Variants in ZNF845 observed in about 807,000 individuals in gnomAD.
The protein encoded by ZNF845 is zinc finger protein 845.
ZNF845 carries 59 observed loss-of-function variants against 76.1 expected under a neutral mutation model. The observed-to-expected ratio is 0.78, with a 90% confidence interval of 0.63 to 0.96. The LOEUF (loss-of-function observed/expected upper bound fraction) is 0.96, where lower values mean the gene tolerates loss of function less well. Among genes scored for constraint, ZNF845 ranks in the 40% least tolerant of loss-of-function variants. The probability of loss-of-function intolerance (pLI) is 0.00; values close to 1 mark genes in which losing one functional copy is unlikely to be tolerated. For missense variants in ZNF845, 1,045 were observed against 1,172.8 expected, an observed-to-expected ratio of 0.89 and a Z score of 1.59; for synonymous variants, 361 against 386.9, an observed-to-expected ratio of 0.93 and a Z score of 0.78.
intron 3 of ZNF845, among the ~76,000 whole-genome samples, chr19:53,347,608 A>G (rs1187356483): frequency 2.0e-5 from 3 of 152,178 alleles, no homozygotes; most frequent in South Asian, 2.1e-4. Flanking sequence ...CACAGTTTTT[A>G]AAACATGTTA....
chr19:53,350,292 CCT>C (rs1225330019), intron 3 of ZNF845, among the ~76,000 whole-genome samples: 2 of 151,984 alleles, frequency 1.3e-5, no homozygotes, highest in African/African-American at 4.8e-5. Context: ...GGCCACCACG[CCT>C]TGCTTAATTT....
At chr19:53,345,261 A>G (rs940794782) in intron 2 of ZNF845, among the ~76,000 whole-genome samples, 9 of 152,132 alleles carry the variant, frequency 5.9e-5, no homozygotes, top group Non-Finnish European at 1.0e-4. Flanking sequence ...GGTTGCTGTG[A>G]GCCGATATCG....
intron 2 of ZNF845, among the ~76,000 whole-genome samples, chr19:53,344,175 C>T (rs763716134): frequency 2.6e-5 from 4 of 152,108 alleles, no homozygotes; most frequent in Admixed American, 1.3e-4. Context: ...TCACTGCGGA[C>T]GTTGTCATCT....
intron 1 of ZNF845, among the ~76,000 whole-genome samples, chr19:53,336,135 C>T (rs1300896229): frequency 6.7e-6 from 1 of 148,362 alleles, no homozygotes; most frequent in South Asian, 2.1e-4. Flanking sequence ...TCACTTGAAC[C>T]CAGGAGGCGG....
chr19:53,336,815 A>G (rs916084168), intron 1 of ZNF845, among the ~76,000 whole-genome samples: 1 of 152,132 alleles, frequency 6.6e-6, no homozygotes, highest in Admixed American at 6.6e-5. Context: ...ACAATTTCCA[A>G]ATAGTTTCTG....
chr19:53,343,782 A>G (rs2085273973), intron 2 of ZNF845, among the ~76,000 whole-genome samples: 1 of 152,116 alleles, frequency 6.6e-6, no homozygotes, highest in African/African-American at 2.4e-5. Flanking sequence ...ATATGTATAT[A>G]TAAAATGGAT....
At chr19:53,334,550 A>C (rs2085199230) in intron 1 of ZNF845, among the ~76,000 whole-genome samples, 1 of 152,076 alleles carries the variant, frequency 6.6e-6, no homozygotes, top group African/African-American at 2.4e-5. Flanking sequence ...AACAAGAGCT[A>C]GAGAGAGAAG....
At chr19:53,336,476 C>T (rs2085214253) in intron 1 of ZNF845, among the ~76,000 whole-genome samples, 1 of 152,114 alleles carries the variant, frequency 6.6e-6, no homozygotes, top group South Asian at 2.1e-4. Flanking sequence ...TACCACTGCA[C>T]TGCAGCCTGG....
intron 2 of ZNF845, among the ~76,000 whole-genome samples, chr19:53,343,103 T>G (rs531571887): frequency 6.4e-4 from 97 of 152,198 alleles, no homozygotes; most frequent in African/African-American, 1.9e-3. Context: ...GCAAGCGTGA[T>G]CCACCGCGCC....
intron 3 of ZNF845, among the ~76,000 whole-genome samples, chr19:53,346,538 A>G (rs1410770841): frequency 2.0e-5 from 3 of 152,228 alleles, no homozygotes; most frequent in African/African-American, 7.2e-5. Context: ...AAAATTAGCC[A>G]GACACGATGG....
chr19:53,349,703 T>C (rs1479175694), intron 3 of ZNF845, among the ~76,000 whole-genome samples: 1 of 152,214 alleles, frequency 6.6e-6, no homozygotes, highest in Non-Finnish European at 1.5e-5. Context: ...CTTTTCGGTA[T>C]GTGGTATGCA....
rs1362396177 is a variant in ZNF845, at chr19:53,353,001, A to C, written c.2326A>C (p.Lys776Gln). The change falls in exon 4 of 4, where the codon AAA (lysine) becomes CAA (glutamine). Residue 776 changes from lysine to glutamine, a missense_variant. Coordinates refer to ENST00000458035, the MANE Select transcript of ZNF845 (RefSeq NM_138374.3). The part of the protein sequence containing the change: ...RRIHTGEKPY[K>Q]CKVCDKAFGR... ...AATTCATACTGGAGAGAAACCATACAAATGTAAGGTTTGTGACAAAGCTTT... is the reference window on the plus strand; with the variant it reads ...AATTCATACTGGAGAGAAACCATACCAATGTAAGGTTTGTGACAAAGCTTT... The C allele has an allele frequency of 6.2e-7, 1 of 1,614,048 alleles. No homozygotes were observed. Among genetic ancestry groups the C allele is most frequent in the Admixed American group, 1.7e-5 (1 of 60,016 alleles).
In ZNF845 at chr19:53,344,644, T is replaced by TGTTATGTTATGTTATGTTATG. The variant is rs1347350507; in HGVS notation, c.16-862_16-861insGTTATGTTATGTTATGTTATG. On this transcript the variant is annotated intron_variant, in intron 2 of 3. Transcript: ENST00000458035. Reference sequence around the variant, plus strand: ...TTTTATTTTATTTTATTTTATTTTATTTTGGGATGGAGTTTCACTCTTGTT... The same window carrying TGTTATGTTATGTTATGTTATG: ...TTTTATTTTATTTTATTTTATTTTATGTTATGTTATGTTATGTTATGTTTGGGATGGAGTTTCACTCTTGTT... 4.9e-4 allele frequency among the ~76,000 whole-genome samples: 74 copies of TGTTATGTTATGTTATGTTATG among 150,882 alleles called. 1 individual carries two copies. The highest frequency in any genetic ancestry group is 1.0e-3 in the Admixed American group (15 of 14,908).
At chr19:53,349,722 G>A (rs1240194664) in intron 3 of ZNF845, among the ~76,000 whole-genome samples, 1 of 152,128 alleles carries the variant, frequency 6.6e-6, no homozygotes, top group African/African-American at 2.4e-5. Flanking sequence ...CAATATAACT[G>A]ACACAGTCCA....
chr19:53,338,793 ATG>A (rs756225348), intron 1 of ZNF845, among the ~76,000 whole-genome samples: 2 of 152,046 alleles, frequency 1.3e-5, no homozygotes, highest in East Asian at 3.9e-4. Context: ...TATAATGTAA[ATG>A]TGTGGCCGTG....
intron 3 of ZNF845, 150 bp downstream of exon 3, chr19:53,345,782 A>G (rs1477382389): frequency 2.7e-6 from 4 of 1,491,564 alleles, no homozygotes; most frequent in Non-Finnish European, 3.6e-6. Flanking sequence ...TCCTGGGCTC[A>G]TGTGATTGTC....
At chr19:53,344,438 T>G (rs1176218207) in intron 2 of ZNF845, among the ~76,000 whole-genome samples, 1 of 151,988 alleles carries the variant, frequency 6.6e-6, no homozygotes, top group East Asian at 1.9e-4. Context: ...CTCAGGAGAC[T>G]GAGGCAGGAG....
chr19:53,336,896 C>T (rs1269110411), intron 1 of ZNF845, among the ~76,000 whole-genome samples: 1 of 152,146 alleles, frequency 6.6e-6, no homozygotes, highest in Admixed American at 6.5e-5. Context: ...TATTGGAAAC[C>T]TTTAACATCA....
chr19:53,334,692 G>A (rs1456219263), intron 1 of ZNF845, among the ~76,000 whole-genome samples: 1 of 150,848 alleles, frequency 6.6e-6, no homozygotes, highest in African/African-American at 2.4e-5. Flanking sequence ...CTTGAGTCCA[G>A]GAGTTCAAGA....
Sources: allele counts gnomAD v4.1 joint callset (sites outside exome capture counted in the v4.1 genomes callset), GRCh38; gene constraint gnomAD v4.1.1; transcripts MANE v1.5; gene names NCBI Gene and HGNC (gene_info 2026-07-23, HGNC 2026-07-21).